The following CELF2 variants were observed in gnomAD, a reference collection of about 807,000 sequenced individuals.
The protein encoded by CELF2 is CUGBP Elav-like family member 2.
CELF2 carries 8 observed loss-of-function variants against 62.6 expected under a neutral mutation model. That is an observed-to-expected ratio of 0.13 (90% CI 0.07 to 0.23). CELF2 has a LOEUF of 0.23. Ranked by LOEUF, CELF2 falls within the 10% of genes least tolerant of loss-of-function variation. CELF2 has a pLI of 1.00. For missense variants in CELF2, 333 were observed against 671.0 expected (o/e 0.50, Z 5.56); for synonymous variants, 258 against 250.0 (o/e 1.03, Z -0.30).
upstream of CELF2, among the ~76,000 whole-genome samples, chr10:11,004,416 C>T (rs79901348): frequency 6.7e-4 from 94 of 140,014 alleles, no homozygotes; most frequent in East Asian, 1.9e-3. The surrounding 1 kb of genome is among the most constrained non-coding windows in gnomAD (Gnocchi z 5.0). Flanking sequence ...TGTGTGTGTG[C>T]GCGCGCGTGT....
chr10:10,766,268 G>A, the CELF2 span, among the ~76,000 whole-genome samples: 16 of 152,160 alleles, frequency 1.1e-4, no homozygotes, highest in Admixed American at 6.5e-5. Context: ...CCTTAGCTGA[G>A]TCCTTCACAG....
intron 1 of CELF2, among the ~76,000 whole-genome samples, chr10:11,146,178 C>T (rs897456308): frequency 6.6e-6 from 1 of 152,202 alleles, no homozygotes; most frequent in Non-Finnish European, 1.5e-5. Context: ...CCATTTACTA[C>T]ACTTCCTACA....
chr10:11,225,877 A>C (rs1277738744), intron 3 of CELF2, among the ~76,000 whole-genome samples: 1 of 152,214 alleles, frequency 6.6e-6, no homozygotes, highest in Non-Finnish European at 1.5e-5. Context: ...AAAATATTTC[A>C]GGTGATGTAT....
intron 1 of CELF2, among the ~76,000 whole-genome samples, chr10:11,126,291 T>A (rs1227475107): frequency 6.6e-6 from 1 of 152,204 alleles, no homozygotes; most frequent in Non-Finnish European, 1.5e-5. Context: ...AACCATTTCT[T>A]GCCTTTTCTC....
chr10:10,749,588 C>T, the CELF2 span, among the ~76,000 whole-genome samples: 1 of 152,142 alleles, frequency 6.6e-6, no homozygotes, highest in African/African-American at 2.4e-5. Flanking sequence ...GGATGTTAAG[C>T]ACCATTGCAA....
At chr10:10,884,210 C>G (rs2133758437) in intron 1 of CELF2, among the ~76,000 whole-genome samples, 1 of 152,294 alleles carries the variant, frequency 6.6e-6, no homozygotes, top group South Asian at 2.1e-4. Context: ...TTTCCATTTT[C>G]AAAGCTCTGT....
At chr10:10,541,695 TG>T in the CELF2 span, among the ~76,000 whole-genome samples, 3 of 152,238 alleles carry the variant, frequency 2.0e-5, no homozygotes, top group African/African-American at 7.2e-5. Context: ...TAGTGTATAA[TG>T]AGCAGTGAGG....
the CELF2 span, among the ~76,000 whole-genome samples, chr10:10,578,838 C>T: frequency 6.6e-6 from 1 of 152,160 alleles, no homozygotes; most frequent in African/African-American, 2.4e-5. Context: ...AGAGCTAAGA[C>T]TAATTTCCTT....
chr10:10,981,858 G>C (rs1008756764), intron 2 of CELF2, among the ~76,000 whole-genome samples: 11 of 151,950 alleles, frequency 7.2e-5, no homozygotes, highest in African/African-American at 1.9e-4. Context: ...GGCTTAGAAA[G>C]GCTACACAGT....
rs541590042 is a variant in CELF2 at position 11,240,117 on chromosome 10, G to A, written c.355-9036G>A. Among the ~76,000 whole-genome samples the A allele has an allele frequency of 1.1e-4, 16 of 152,296 alleles. No homozygotes were observed. The East Asian group carries it at 1.4e-3, about 13-fold the overall frequency. ...ATGTAAAAGAACAACTTGAAATAGC[G>A]CTGAGACTTGGAGGTTAGGTAAATG... On this transcript the variant is annotated intron_variant, in intron 3 of 12. Coordinates refer to ENST00000633077, the MANE Select transcript of CELF2 (RefSeq NM_001326342.2).
chr10:11,113,327 A>G (rs1345968209), intron 1 of CELF2, among the ~76,000 whole-genome samples: 1 of 152,188 alleles, frequency 6.6e-6, no homozygotes, highest in East Asian at 1.9e-4. Context: ...CATCAGCATC[A>G]TCATTGCTAT....
intron 1 of CELF2, among the ~76,000 whole-genome samples, chr10:11,042,352 A>G (rs1031410881): frequency 5.3e-5 from 8 of 152,190 alleles, no homozygotes; most frequent in Admixed American, 3.3e-4. Flanking sequence ...TGAGAGTACA[A>G]TTGGTGGACA....
Position 11,017,962 on chromosome 10 carries a change from C to A in CELF2, c.-128C>A. ...GGCGGAGCGCGAGGAGAGAATGTGA[C>A]AAGTGCCGGCTCGGCGGCCGCCGGG... On this transcript the variant is annotated 5_prime_UTR_variant, in exon 1 of 13. Transcript: ENST00000633077. This position sits in a 1 kb window ranked among gnomAD's most constrained non-coding sequence, Gnocchi z 5.5. 2.0e-6 allele frequency: 2 copies of A among 987,726 alleles called. No individual in the cohort carries two copies. The highest frequency in any genetic ancestry group is 2.4e-6 in the Non-Finnish European group (2 of 832,894). The allele number at this position is 987,726 out of a possible 1,614,324, so 61.2% of individuals were successfully genotyped here. A position where few individuals can be genotyped will look rare whatever the true frequency, so the allele number is the denominator to read the frequency against.
chr10:10,921,988 G>A (rs1342471160), intron 2 of CELF2, among the ~76,000 whole-genome samples: 6 of 152,182 alleles, frequency 3.9e-5, no homozygotes, highest in Non-Finnish European at 8.8e-5. Context: ...TGAGCCCAAT[G>A]TTGTCATGAA....
At chr10:11,107,443 G>T (rs2053814438) in intron 1 of CELF2, among the ~76,000 whole-genome samples, 1 of 152,146 alleles carries the variant, frequency 6.6e-6, no homozygotes, top group South Asian at 2.1e-4. Context: ...GGTCTGTAGA[G>T]TTTGGCCGCT....
the CELF2 span, among the ~76,000 whole-genome samples, chr10:10,554,385 G>A: frequency 6.6e-6 from 1 of 152,168 alleles, no homozygotes; most frequent in Non-Finnish European, 1.5e-5. Context: ...ACTCTGATCT[G>A]ATTGTGTCCT....
chr10:10,768,599 A>T, the CELF2 span, among the ~76,000 whole-genome samples: 1 of 144,798 alleles, frequency 6.9e-6, no homozygotes. Flanking sequence ...TTTAAGATGG[A>T]GTGTCATTCT....
chr10:11,271,804 C>T (rs1230390299), intron 7 of CELF2, among the ~76,000 whole-genome samples: 1 of 152,114 alleles, frequency 6.6e-6, no homozygotes, highest in Non-Finnish European at 1.5e-5. Context: ...GATCCTGTCA[C>T]CCATTGGCTT....
chr10:10,491,724 G>A, the CELF2 span, among the ~76,000 whole-genome samples: 1 of 152,142 alleles, frequency 6.6e-6, no homozygotes, highest in Non-Finnish European at 1.5e-5. Context: ...CAGTTAAATA[G>A]TCAATTCAGT....
Sources: allele counts gnomAD v4.1 joint callset (sites outside exome capture counted in the v4.1 genomes callset), GRCh38; gene constraint gnomAD v4.1.1; non-coding constraint Gnocchi (gnomAD v3.1); transcripts MANE v1.5; gene names NCBI Gene and HGNC (gene_info 2026-07-23, HGNC 2026-07-21).